The following CDH4 variants were observed in gnomAD, a reference collection of about 807,000 sequenced individuals.
CDH4 encodes cadherin-4.
In CDH4, 33 loss-of-function variants were observed where a neutral mutation model predicts 86.0. The observed-to-expected ratio is 0.38, with a 90% CI of 0.29 to 0.51. CDH4 has a LOEUF of 0.51. CDH4 is among the 20% of genes least tolerant of loss of function. CDH4 has a pLI of 0.86. For missense variants in CDH4, 1,114 were observed against 1,307.4 expected, an observed-to-expected ratio of 0.85 and a Z score of 2.28; for synonymous variants, 555 against 549.4, an observed-to-expected ratio of 1.01 and a Z score of -0.14.
At chr20:61,286,281 C>T (rs571249130) in intron 2 of CDH4, among the ~76,000 whole-genome samples, 36 of 152,368 alleles carry the variant, frequency 2.4e-4, no homozygotes, top group Middle Eastern at 3.4e-3. Flanking sequence ...CAAAGCCAGA[C>T]CTAAGTCCAG....
chr20:61,349,540 G>A (rs894183789), intron 2 of CDH4, among the ~76,000 whole-genome samples: 1 of 152,232 alleles, frequency 6.6e-6, no homozygotes, highest in African/African-American at 2.4e-5. Context: ...TCCAGACGAG[G>A]CCGGGAGCTG....
intron 2 of CDH4, among the ~76,000 whole-genome samples, chr20:61,669,093 C>A (rs1239599148): frequency 6.6e-6 from 1 of 152,206 alleles, no homozygotes; most frequent in African/African-American, 2.4e-5. Context: ...AGCCCTGGGC[C>A]TCCTGGAACC....
intron 7 of CDH4, among the ~76,000 whole-genome samples, chr20:61,894,358 A>C (rs1221840307): frequency 6.6e-6 from 1 of 152,172 alleles, no homozygotes; most frequent in Non-Finnish European, 1.5e-5. Context: ...TGCACGGTAA[A>C]CTGTCAGGAC....
At chr20:61,773,348 A>G (rs1365211205) in intron 4 of CDH4, among the ~76,000 whole-genome samples, 166 bp downstream of exon 4, 1 of 152,226 alleles carries the variant, frequency 6.6e-6, no homozygotes, top group Admixed American at 6.5e-5. Context: ...TGAAAAATTC[A>G]GGCGGGGAAG....
intron 2 of CDH4, among the ~76,000 whole-genome samples, chr20:61,498,046 G>C (rs919528019): frequency 4.5e-5 from 6 of 134,180 alleles, no homozygotes; most frequent in African/African-American, 1.2e-4. Context: ...ATCACACACA[G>C]GGGCCTGTCA....
At chr20:61,901,410 G>T (rs2054724854) in intron 8 of CDH4, among the ~76,000 whole-genome samples, 1 of 152,278 alleles carries the variant, frequency 6.6e-6, no homozygotes, top group South Asian at 2.1e-4. Context: ...GTGGTTTGTA[G>T]GTTTACGCTA....
Position 61,393,612 on chromosome 20 carries a change from G to A in CDH4, c.169+138675G>A, listed in dbSNP as rs1190255146. Among the ~76,000 whole-genome samples, 2 of 152,168 alleles carry A rather than the reference G, an allele frequency of 1.3e-5. No homozygotes were observed. The highest frequency in any genetic ancestry group is 2.9e-5 in the Non-Finnish European group (2 of 68,032). The stretch of plus-strand genomic sequence containing the variant: ...CCTATTCTAGGTGTTGGCAAGGTAG[G>A]TGTTGAGTAACAGAGACCCAAAGCA... On this transcript the variant is annotated intron_variant, in intron 2 of 15. Coordinates refer to ENST00000614565, the MANE Select transcript of CDH4 (RefSeq NM_001794.5). This position sits in a 1 kb window ranked among gnomAD's most constrained non-coding sequence, Gnocchi z 4.3.
At chr20:61,706,922 G>A (rs1600895952) in intron 2 of CDH4, among the ~76,000 whole-genome samples, 1 of 152,242 alleles carries the variant, frequency 6.6e-6, no homozygotes, top group East Asian at 1.9e-4. Context: ...AGGCGTCTGT[G>A]GCACGTGGTG....
chr20:61,892,442 G>A (rs1171035805), intron 7 of CDH4, among the ~76,000 whole-genome samples: 1 of 152,196 alleles, frequency 6.6e-6, no homozygotes, highest in Non-Finnish European at 1.5e-5. Flanking sequence ...ATGATCAAGG[G>A]AGGACACAAT....
chr20:61,815,295 T>C (rs1268531859), intron 4 of CDH4, among the ~76,000 whole-genome samples: 1 of 152,168 alleles, frequency 6.6e-6, no homozygotes, highest in Non-Finnish European at 1.5e-5. Flanking sequence ...GTGGCTGCTG[T>C]GGAGGGCGTG....
intron 2 of CDH4, among the ~76,000 whole-genome samples, chr20:61,313,286 G>C (rs1044031214): frequency 6.6e-6 from 1 of 152,204 alleles, no homozygotes; most frequent in Admixed American, 6.5e-5. Context: ...CCAGCAAAGG[G>C]AAGAGCCCGG....
At chr20:61,453,911 G>A (rs780425890) in intron 2 of CDH4, among the ~76,000 whole-genome samples, 1 of 152,056 alleles carries the variant, frequency 6.6e-6, no homozygotes, top group Non-Finnish European at 1.5e-5. Flanking sequence ...GTTTTATAAG[G>A]GGCTTTTCCC....
At chr20:61,611,824 T>C (rs2086687563) in intron 2 of CDH4, among the ~76,000 whole-genome samples, 1 of 151,942 alleles carries the variant, frequency 6.6e-6, no homozygotes, top group Non-Finnish European at 1.5e-5. Context: ...CAAAAATGAC[T>C]CTCCCACGTC....
chr20:61,354,806 G>C (rs746176600), intron 2 of CDH4, among the ~76,000 whole-genome samples: 2 of 152,194 alleles, frequency 1.3e-5, no homozygotes, highest in Non-Finnish European at 2.9e-5. Context: ...TAGTCACACT[G>C]TCATGTTGCT....
chr20:61,888,362 AG>A (rs1984640133), intron 7 of CDH4, among the ~76,000 whole-genome samples: 1 of 152,170 alleles, frequency 6.6e-6, no homozygotes. Context: ...GCCAACCTTC[AG>A]GCTCCGTCCA....
At chr20:61,459,800 G>C (rs2085431644) in intron 2 of CDH4, among the ~76,000 whole-genome samples, 1 of 151,948 alleles carries the variant, frequency 6.6e-6, no homozygotes, top group African/African-American at 2.4e-5. Context: ...AGGCTCACAT[G>C]AGCGCTTCGC....
intron 5 of CDH4, among the ~76,000 whole-genome samples, chr20:61,852,289 C>G (rs1414494387): frequency 6.6e-6 from 1 of 151,862 alleles, no homozygotes; most frequent in Non-Finnish European, 1.5e-5. Context: ...CCCGACCTGT[C>G]TCCTCCCCAT....
rs1131842 is a variant in CDH4 at position 61,873,745 on chromosome 20, G to A, written c.895G>A (p.Val299Ile). 23 of 1,613,514 alleles carry A rather than the reference G, an allele frequency of 1.4e-5. 1 individual carries two copies. Among genetic ancestry groups the A allele is most frequent in the South Asian group, 1.3e-4 (12 of 91,076 alleles). The change falls in exon 7 of 16, where the codon GTC becomes ATC. Residue 299 changes from valine (V) to isoleucine (I), a missense_variant. Val to Ile is a conservative substitution (Grantham distance 29, BLOSUM62 3). Around this residue, in one of 3 missense-constraint regions of CDH4, gnomAD observed 705 missense variants for 914.1 expected, o/e 0.77. Coordinates refer to ENST00000614565, the MANE Select transcript of CDH4 (RefSeq NM_001794.5). Reference protein sequence around the residue: ...GSKPGTYVMTVTANDADDSTT... With the variant: ...GSKPGTYVMTITANDADDSTT... ...CGTTCCAGGCACCTACGTGATGACC[G>A]TCACGGCCAACGATGCTGACGACAG...
intron 7 of CDH4, among the ~76,000 whole-genome samples, chr20:61,890,768 T>G (rs1429701906): frequency 2.0e-5 from 3 of 152,186 alleles, no homozygotes; most frequent in Non-Finnish European, 4.4e-5. Flanking sequence ...CCAAGTTCTA[T>G]TCATCTTGGT....
Sources: gnomAD v4.1 joint callset for allele counts (sites outside exome capture counted in the v4.1 genomes callset) on GRCh38, gnomAD v4.1.1 for gene constraint, gnomAD v4.1.1 regional missense constraint, Gnocchi (gnomAD v3.1) non-coding constraint, MANE v1.5 for transcripts, NCBI Gene and HGNC (gene_info 2026-07-23, HGNC 2026-07-21) for gene names.